The following VWA3B variants were observed in gnomAD, a reference collection of about 807,000 sequenced individuals.
The protein encoded by VWA3B is von Willebrand factor A domain-containing protein 3B.
VWA3B carries 138 observed loss-of-function variants against 158.3 expected under a neutral mutation model. The ratio of observed to expected loss-of-function variants is 0.87; its 90% confidence interval spans 0.76 to 1.00. VWA3B has a LOEUF of 1.00. Ranked by LOEUF, VWA3B falls within the 50% of genes least tolerant of loss-of-function variation. The pLI, the probability that VWA3B is intolerant of heterozygous loss-of-function variation, is 0.00. For missense variants in VWA3B, 1,555 were observed against 1,565.1 expected, an observed-to-expected ratio of 0.99 and a Z score of 0.11; for synonymous variants, 596 against 587.3, an observed-to-expected ratio of 1.01 and a Z score of -0.21.
chr2:98,326,161 A>T, the VWA3B span, among the ~76,000 whole-genome samples: 1 of 152,236 alleles, frequency 6.6e-6, no homozygotes, highest in Non-Finnish European at 1.5e-5. Context: ...CAAACAACAT[A>T]GATAAACCTC....
chr2:98,163,921 A>G (rs1021565486), intron 8 of VWA3B, among the ~76,000 whole-genome samples: 14 of 152,200 alleles, frequency 9.2e-5, no homozygotes, highest in African/African-American at 3.4e-4. Context: ...AGATGAGCAT[A>G]GAAGTGCAAA....
At chr2:98,133,673 A>C (rs576998233) in intron 6 of VWA3B, 151 bp from the exon 7 acceptor site, 68 of 649,506 alleles carry the variant, frequency 1.0e-4, no homozygotes, top group African/African-American at 1.0e-3. Context: ...TGCTTGTGGA[A>C]TTGACAAGGT....
the VWA3B span, among the ~76,000 whole-genome samples, chr2:98,320,325 C>G: frequency 6.6e-6 from 1 of 152,110 alleles, no homozygotes; most frequent in Non-Finnish European, 1.5e-5. Context: ...TCTAAATTAG[C>G]CAGTCTCGGG....
chr2:98,266,262 T>C (rs1192466195), intron 21 of VWA3B, among the ~76,000 whole-genome samples: 1 of 152,134 alleles, frequency 6.6e-6, no homozygotes, highest in African/African-American at 2.4e-5. Flanking sequence ...TTTCTACATA[T>C]GGCTTAGCCA....
intron 6 of VWA3B, 34 bp from the exon 7 acceptor site, chr2:98,133,790 C>G: frequency 6.3e-7 from 1 of 1,595,164 alleles, no homozygotes; most frequent in Non-Finnish European, 8.6e-7. Context: ...CACCTGCGTA[C>G]TGCCTTCCTA....
At chr2:98,106,793 A>G (rs946676573) in intron 2 of VWA3B, among the ~76,000 whole-genome samples, 3 of 152,184 alleles carry the variant, frequency 2.0e-5, no homozygotes, top group Admixed American at 1.3e-4. Context: ...GTAGACTATC[A>G]TGCCATCTGC....
chr2:98,126,695 T>C (rs1675389673), intron 5 of VWA3B, among the ~76,000 whole-genome samples: 1 of 152,190 alleles, frequency 6.6e-6, no homozygotes, highest in Non-Finnish European at 1.5e-5. Context: ...TGTATAAATT[T>C]ACAATATTCC....
chr2:98,206,161 C>T (rs1683002568), intron 12 of VWA3B: 2 of 152,586 alleles, frequency 1.3e-5, no homozygotes, highest in East Asian at 1.9e-4. Context: ...ATGTTGAGTT[C>T]TGTGGGTCAT....
intron 22 of VWA3B, among the ~76,000 whole-genome samples, chr2:98,277,401 C>A (rs1175815637): frequency 1.3e-5 from 2 of 152,226 alleles, no homozygotes; most frequent in Non-Finnish European, 2.9e-5. Flanking sequence ...TGGTCTAGGG[C>A]AGCCCAGCTG....
chr2:98,163,011 T>G, intron 8 of VWA3B, 35 bp downstream of exon 8: 8 of 1,609,924 alleles, frequency 5.0e-6, no homozygotes, highest in Non-Finnish European at 6.8e-6. Flanking sequence ...TGTAAAAGAT[T>G]CATAAATGTT....
At chr2:98,321,662 C>A in the VWA3B span, among the ~76,000 whole-genome samples, 1 of 152,212 alleles carries the variant, frequency 6.6e-6, no homozygotes, top group Non-Finnish European at 1.5e-5. Context: ...GTATTAATAA[C>A]TTGCTTTTGA....
chr2:98,240,698 C>A (rs1334498488), intron 19 of VWA3B, among the ~76,000 whole-genome samples: 3 of 152,082 alleles, frequency 2.0e-5, no homozygotes, highest in African/African-American at 7.3e-5. Flanking sequence ...TTTATTCAGC[C>A]TATTCTTTCC....
intron 22 of VWA3B, among the ~76,000 whole-genome samples, chr2:98,276,838 G>A (rs1012125321): frequency 2.0e-5 from 3 of 152,222 alleles, no homozygotes; most frequent in Admixed American, 1.3e-4. Context: ...CTGGATGACC[G>A]GGGCTTTCTG....
At position 98,313,063 on chromosome 2, in the gene VWA3B, G is replaced by A. The variant is rs1269648320; in HGVS notation, c.*714G>A. 2.6e-5 allele frequency: 4 copies of A among 152,046 alleles called. No homozygotes were observed. Among genetic ancestry groups the A allele is most frequent in the Non-Finnish European group, 5.9e-5 (4 of 67,990 alleles). 9.4% of individuals were successfully genotyped at this position (152,046 alleles called of 1,614,324 possible). On this transcript the variant is annotated 3_prime_UTR_variant, in exon 28 of 28. Transcript: ENST00000477737. ...AAATGAAATCGCTCCATCAAATTTC[G>A]TTTTTCTAGTCGGTAAGATCCCTGA...
At chr2:98,250,789 A>G (rs1382669406) in intron 20 of VWA3B, among the ~76,000 whole-genome samples, 1 of 152,178 alleles carries the variant, frequency 6.6e-6, no homozygotes, top group East Asian at 1.9e-4. Context: ...AACACAAAGA[A>G]AGGATAGATG....
At chr2:98,189,028 T>G (rs923478528) in intron 10 of VWA3B, among the ~76,000 whole-genome samples, 1 of 152,242 alleles carries the variant, frequency 6.6e-6, no homozygotes, top group African/African-American at 2.4e-5. Context: ...TCACAGATTT[T>G]GATATATTGT....
rs1574232892 is a variant in VWA3B at position 98,265,389 on chromosome 2, C to A, written c.2844-5293C>A. Among the ~76,000 whole-genome samples the A allele has an allele frequency of 2.6e-5, 4 of 151,650 alleles. No homozygotes were observed. The South Asian group carries it at 8.3e-4, about 32-fold the overall frequency. On this transcript the variant is annotated intron_variant, in intron 21 of 27. Transcript: ENST00000477737. ...GACATGAACTCATCCTTTTTTATGG[C>A]TGCATAGTATTCCATGGTGTATATG...
chr2:98,126,688 A>G (rs188766051), intron 5 of VWA3B, among the ~76,000 whole-genome samples: 66 of 152,292 alleles, frequency 4.3e-4, no homozygotes, highest in African/African-American at 1.6e-3. Flanking sequence ...ACTGACTTGT[A>G]TAAATTTACA....
chr2:98,248,645 C>T (rs896766991), intron 19 of VWA3B, among the ~76,000 whole-genome samples: 4 of 152,152 alleles, frequency 2.6e-5, no homozygotes, highest in African/African-American at 4.8e-5. Flanking sequence ...TTTCAGAACA[C>T]TCCTAGTCCC....
Sources: gnomAD v4.1 joint callset for allele counts (sites outside exome capture counted in the v4.1 genomes callset) on GRCh38, gnomAD v4.1.1 for gene constraint, MANE v1.5 for transcripts, NCBI Gene and HGNC (gene_info 2026-07-23, HGNC 2026-07-21) for gene names.